Variants in NDC80 observed in about 807,000 individuals in gnomAD.
The protein encoded by NDC80 is kinetochore protein NDC80 homolog.
NDC80 carries 69 observed loss-of-function variants against 89.3 expected under a neutral mutation model. The observed-to-expected ratio is 0.77, with a 90% CI of 0.64 to 0.94. The LOEUF (loss-of-function observed/expected upper bound fraction) is 0.94. Ranked by LOEUF, NDC80 falls within the 40% of genes least tolerant of loss-of-function variation. The pLI, the probability that NDC80 is intolerant of heterozygous loss-of-function variation, is 0.00. For synonymous variants in NDC80, 243 were observed against 255.6 expected (o/e 0.95, Z 0.47); for missense variants, 593 against 739.6 (o/e 0.80, Z 2.30).
intron 11 of NDC80, 121 bp from the exon 12 acceptor site, chr18:2,598,898 G>T: frequency 2.1e-6 from 2 of 956,312 alleles, no homozygotes; most frequent in South Asian, 2.3e-5. Flanking sequence ...AAAGATTACT[G>T]AATTAGTAAA....
intron 6 of NDC80, 74 bp downstream of exon 6, chr18:2,579,103 A>G: frequency 1.1e-6 from 1 of 870,986 alleles, no homozygotes; most frequent in Non-Finnish European, 1.6e-6. Context: ...TTTCTCTCCC[A>G]GTCTTTTGAC....
chr18:2,589,222 A>T lies in NDC80; in HGVS notation c.782A>T (p.Asp261Val). Residue 261 changes from aspartate to valine, a missense_variant, in exon 9 of 17, where the codon GAT becomes GTT. By Grantham distance (152) the Asp-to-Val change is radical. Coordinates refer to ENST00000261597, the MANE Select transcript of NDC80 (RefSeq NM_006101.3). Reference sequence around the variant, plus strand: ...TCTCCAGAGGATTTATTTAATGTGGATGCTTTTAAGCTGGAATCATTAGAA... The same window carrying T: ...TCTCCAGAGGATTTATTTAATGTGGTTGCTTTTAAGCTGGAATCATTAGAA... ...QSKLKDLFNVDAFKLESLEAK... is the reference protein window; with the variant it reads ...QSKLKDLFNVVAFKLESLEAK... The T allele has an allele frequency of 6.2e-7, 1 of 1,611,946 alleles. No homozygotes were observed. Among genetic ancestry groups the T allele is most frequent in the East Asian group, 2.2e-5 (1 of 44,840 alleles).
Position 2,573,077 on chromosome 18 carries a change from C to T in NDC80, c.92C>T (p.Thr31Ile). The change falls in exon 2 of 17, where the codon ACC becomes ATC. Residue 31 changes from threonine (T) to isoleucine (I), a missense_variant. Transcript: ENST00000261597. ...SQDVNKQGLY[T>I]PQTKEKPTFG... ...GATGTAAATAAACAAGGCCTCTATA[C>T]CCCTCAAACGTGAGTATTTCCCTTG... 1.9e-6 allele frequency: 3 copies of T among 1,612,680 alleles called. No homozygotes were observed. The highest frequency in any genetic ancestry group is 2.5e-6 in the Non-Finnish European group (3 of 1,179,090).
chr18:2,586,594 G>A (rs369594665), intron 7 of NDC80, among the ~76,000 whole-genome samples: 5 of 152,206 alleles, frequency 3.3e-5, no homozygotes, highest in African/African-American at 1.2e-4. Context: ...GCTGGGTGTG[G>A]TGGTGCGTGC....
At chr18:2,614,731 TA>T (rs2072775632) in intron 16 of NDC80, among the ~76,000 whole-genome samples, 1 of 152,172 alleles carries the variant, frequency 6.6e-6, no homozygotes, top group Non-Finnish European at 1.5e-5. Context: ...CACTATATGC[TA>T]GGGGGCTGTA....
intron 16 of NDC80, among the ~76,000 whole-genome samples, chr18:2,613,121 C>G (rs2072754084): frequency 6.6e-6 from 1 of 152,188 alleles, no homozygotes; most frequent in Admixed American, 6.5e-5. Flanking sequence ...GACCAGGGGT[C>G]AGCAAACTAC....
At position 2,606,497 on chromosome 18, in the gene NDC80, A is replaced by G. The variant is rs2072712387; in HGVS notation, c.1547A>G (p.Gln516Arg). ...EVQKLDDLYQQKIKEAEEEDE... is the reference protein window; with the variant it reads ...EVQKLDDLYQRKIKEAEEEDE... The stretch of plus-strand genomic sequence containing the variant: ...CAAAAGCTGGATGATCTTTACCAAC[A>G]AAAAATTAAGGTAAGAACTTTGCCA... The change falls in exon 14 of 17, where the codon CAA becomes CGA. Residue 516 changes from glutamine to arginine, a missense_variant. Gln to Arg is a conservative substitution (Grantham distance 43, BLOSUM62 1). Coordinates refer to ENST00000261597, the MANE Select transcript of NDC80 (RefSeq NM_006101.3). 1 of 1,599,766 alleles carries G rather than the reference A, an allele frequency of 6.3e-7. No homozygotes were observed. The highest frequency in any genetic ancestry group is 1.3e-5 in the African/African-American group (1 of 74,346).
chr18:2,577,174 C>T (rs2072550824), intron 3 of NDC80: 1 of 150,978 alleles, frequency 6.6e-6, no homozygotes, highest in Non-Finnish European at 1.5e-5. Context: ...TTCAATCAAT[C>T]CTCAGAACTG....
At chr18:2,590,766 T>A (rs1382799170) in intron 10 of NDC80, among the ~76,000 whole-genome samples, 2 of 152,240 alleles carry the variant, frequency 1.3e-5, no homozygotes, top group African/African-American at 2.4e-5. Context: ...ACTCCTTACA[T>A]GTTTTCAAGC....
At position 2,598,999 on chromosome 18, in the gene NDC80, T is replaced by A. The variant is rs762248893; in HGVS notation, c.1222-20T>A. On this transcript the variant is annotated intron_variant, in intron 11 of 16. Transcript: ENST00000261597. ...GGAATGGGGCTGCTTTAACATGTCT[T>A]ATGTGTTCTGTTCTTACAGATTGAA... The A allele has an allele frequency of 1.7e-5, 27 of 1,568,706 alleles. 1 individual carries two copies. The Admixed American group carries it at 3.2e-4, about 19-fold the overall frequency.
intron 6 of NDC80, chr18:2,579,295 T>C (rs902238800): frequency 3.1e-6 from 1 of 318,268 alleles, no homozygotes; most frequent in Non-Finnish European, 5.7e-6. Flanking sequence ...TTATTTTCCC[T>C]CATGAAATTC....
intron 6 of NDC80, among the ~76,000 whole-genome samples, chr18:2,583,139 C>A (rs1266631722): frequency 6.6e-6 from 1 of 152,184 alleles, no homozygotes; most frequent in African/African-American, 2.4e-5. Flanking sequence ...TGATTCAAAT[C>A]TATACTTTTT....
At chr18:2,597,829 G>C (rs532143876) in intron 11 of NDC80, among the ~76,000 whole-genome samples, 1 of 152,312 alleles carries the variant, frequency 6.6e-6, no homozygotes, top group Non-Finnish European at 1.5e-5. Flanking sequence ...GAAAGAGGGA[G>C]GAAGTGGTTG....
intron 12 of NDC80, among the ~76,000 whole-genome samples, chr18:2,599,635 G>T (rs919097084): frequency 6.6e-6 from 1 of 152,104 alleles, no homozygotes. Context: ...ATGTATTAGA[G>T]TACTAAGAAT....
rs1225653560 is a variant in NDC80, at chr18:2,601,388, T to A, written c.1375-8T>A. The stretch of plus-strand genomic sequence containing the variant: ...TATATGTCACCCACATTCCTATGTA[T>A]TTTATAGGTACCTCTTAAGGAACTC... On this transcript the variant is annotated splice_region_variant and splice_polypyrimidine_tract_variant and intron_variant, in intron 12 of 16. Coordinates refer to ENST00000261597, the MANE Select transcript of NDC80 (RefSeq NM_006101.3). 7.2e-7 allele frequency: 1 copy of A among 1,385,070 alleles called. No homozygotes were observed. 85.8% of individuals were successfully genotyped at this position (1,385,070 alleles called of 1,614,324 possible). A position where few individuals can be genotyped will look rare whatever the true frequency, so the allele number is the denominator to read the frequency against.
intron 6 of NDC80, among the ~76,000 whole-genome samples, chr18:2,584,306 A>T (rs2072593584): frequency 6.6e-6 from 1 of 150,734 alleles, no homozygotes; most frequent in Non-Finnish European, 1.5e-5. Context: ...AAAAAAATAC[A>T]TATTTATATC....
intron 12 of NDC80, among the ~76,000 whole-genome samples, chr18:2,600,085 G>A (rs2072676814): frequency 6.6e-6 from 1 of 152,190 alleles, no homozygotes; most frequent in Non-Finnish European, 1.5e-5. Context: ...GGCAGGCAGA[G>A]TTTGCTCACC....
intron 6 of NDC80, 92 bp from the exon 7 acceptor site, chr18:2,585,021 C>T: frequency 1.2e-6 from 1 of 831,390 alleles, no homozygotes. Flanking sequence ...AATGTAAATG[C>T]TTCTAAAATT....
chr18:2,608,645 G>C (rs1302907741), intron 14 of NDC80, 55 bp from the exon 15 acceptor site: 47 of 1,537,174 alleles, frequency 3.1e-5, no homozygotes, highest in Middle Eastern at 1.7e-4. Context: ...AATCCACCTA[G>C]AGTATACAGA....
Sources: allele counts gnomAD v4.1 joint callset (sites outside exome capture counted in the v4.1 genomes callset), GRCh38; gene constraint gnomAD v4.1.1; transcripts MANE v1.5; gene names NCBI Gene and HGNC (gene_info 2026-07-23, HGNC 2026-07-21).